PPL: variants seen among roughly 807,000 people sequenced by gnomAD.
The protein encoded by PPL is 190 kDa paraneoplastic pemphigus antigen.
In PPL, 198 loss-of-function variants were observed where a neutral mutation model predicts 194.4. The ratio of observed to expected loss-of-function variants is 1.02; its 90% CI spans 0.91 to 1.15. The LOEUF (loss-of-function observed/expected upper bound fraction) is 1.15. Ranked by LOEUF, PPL falls within the 50% of genes most tolerant of loss-of-function variation. The probability of loss-of-function intolerance (pLI) is 0.00; values close to 1 mark genes in which losing one functional copy is unlikely to be tolerated. For missense variants in PPL, 2,885 were observed against 2,294.8 expected (o/e 1.26, Z -5.25); for synonymous variants, 1,220 against 972.4 (o/e 1.25, Z -4.74).
chr16:4,925,388 A>G (rs987288279), intron 1 of PPL, among the ~76,000 whole-genome samples: 1 of 152,180 alleles, frequency 6.6e-6, no homozygotes, highest in East Asian at 1.9e-4. Flanking sequence ...ATGAATAGTA[A>G]CAACACTGAG....
chr16:4,922,264 G>A (rs934996921), intron 1 of PPL, among the ~76,000 whole-genome samples: 3 of 152,208 alleles, frequency 2.0e-5, no homozygotes, highest in Admixed American at 6.5e-5. Flanking sequence ...TGTGGTGGGG[G>A]TGACTGAGAG....
In PPL at chr16:4,899,291, T is replaced by TG. The variant is rs758679146; in HGVS notation, c.699dup (p.Lys234GlnfsTer10). On this transcript the variant is annotated frameshift_variant, in exon 7 of 22. Transcript: ENST00000345988. LOFTEE classifies it high-confidence loss of function. ...CTCCAGTCGTACTGCATGCGGCCCT[T>TG]GGCCTGCTGGTCCAGCCAGTACAGC... The TG allele has an allele frequency of 1.2e-6, 2 of 1,613,738 alleles. No homozygotes were observed. Among genetic ancestry groups the TG allele is most frequent in the Non-Finnish European group, 1.7e-6 (2 of 1,179,984 alleles).
chr16:4,893,129 A>G, intron 14 of PPL, 84 bp downstream of exon 14: 1 of 1,406,022 alleles, frequency 7.1e-7, no homozygotes, highest in South Asian at 1.5e-5. Context: ...CCAAGACTCC[A>G]TGGGGAAAAG....
In PPL at chr16:4,900,434, CTTTTTTTTTTT is replaced by C. The variant is rs1217002366; in HGVS notation, c.606+385_606+395del. Among the ~76,000 whole-genome samples, 3 of 61,678 alleles carry C rather than the reference CTTTTTTTTTTT, an allele frequency of 4.9e-5. No homozygotes were observed. The Admixed American group carries it at 8.5e-4, about 17-fold the overall frequency. The allele number at this position is 61,678 out of a possible 152,430, so 40.5% of individuals were successfully genotyped here. On this transcript the variant is annotated intron_variant, in intron 6 of 21. Transcript: ENST00000345988. ...CCTGATTGAAACGTTTACTGCACGC[CTTTTTTTTTTT>C]TTTTTTTTTTTAAAGGCAGGGTTTT...
intron 9 of PPL, 74 bp from the exon 10 acceptor site, chr16:4,895,790 C>A (rs2088416293): frequency 6.2e-7 from 1 of 1,601,784 alleles, no homozygotes; most frequent in Non-Finnish European, 8.5e-7. Flanking sequence ...AGGCTTCAAG[C>A]TCATCCCTCA....
Position 4,892,143 on chromosome 16 carries a change from A to G in PPL, c.1721T>C (p.Ile574Thr). The G allele has an allele frequency of 1.9e-6, 3 of 1,613,786 alleles. No individual in the cohort carries two copies. Among genetic ancestry groups the G allele is most frequent in the South Asian group, 1.1e-5 (1 of 91,080 alleles). ...GGTGCCACTGCCTGGGAGGGCCTGG[A>G]TGAAGGCTTCGCCCTCAGCCGTGCT... ...TRSTAEGEAFIQALPGSGTTP... is the reference protein window; with the variant it reads ...TRSTAEGEAFTQALPGSGTTP... Residue 574 changes from isoleucine to threonine, a missense_variant, in exon 15 of 22, where the codon ATC becomes ACC. Ile to Thr is a moderately conservative substitution (Grantham distance 89). Transcript: ENST00000345988.
At chr16:4,897,627 G>A in intron 9 of PPL, 48 bp downstream of exon 9, 2 of 1,493,116 alleles carry the variant, frequency 1.3e-6, no homozygotes, top group Non-Finnish European at 1.9e-6. Flanking sequence ...AGCGCTCTCA[G>A]AGAGTAGCAC....
chr16:4,901,252 T>G (rs1341871687), intron 4 of PPL, among the ~76,000 whole-genome samples, 163 bp from the exon 5 acceptor site: 1 of 152,242 alleles, frequency 6.6e-6, no homozygotes, highest in Non-Finnish European at 1.5e-5. Context: ...CCTGAGGTTC[T>G]GTTTGCTGAG....
At position 4,884,542 on chromosome 16, in the gene PPL, A is replaced by G. The variant is rs1421777185; in HGVS notation, c.4113T>C (p.Phe1371=). 6.2e-7 allele frequency: 1 copy of G among 1,613,196 alleles called. No individual in the cohort carries two copies. Among genetic ancestry groups the G allele is most frequent in the Non-Finnish European group, 8.5e-7 (1 of 1,179,828 alleles). The change falls in exon 22 of 22, where the codon TTT becomes TTC. Residue 1371 remains phenylalanine, a synonymous_variant. Transcript: ENST00000345988. This position sits in a 1 kb window ranked among gnomAD's most constrained non-coding sequence, Gnocchi z 5.7. The stretch of plus-strand genomic sequence containing the variant: ...GCAGCTCCACATCGATGCTCTCGGC[A>G]AAGGCGCTCGCCTCGGCCCGCAGGC... ...EPGLRAEASA[F]AESIDVELRQ... is the part of the protein sequence containing the mutation.
intron 1 of PPL, among the ~76,000 whole-genome samples, chr16:4,932,275 T>C (rs1351657348): frequency 2.0e-5 from 3 of 152,146 alleles, no homozygotes; most frequent in Non-Finnish European, 4.4e-5. Flanking sequence ...GCGGGGCGGC[T>C]CTCTCTAAGC....
chr16:4,930,284 C>T (rs998946167), intron 1 of PPL, among the ~76,000 whole-genome samples: 7 of 152,170 alleles, frequency 4.6e-5, no homozygotes, highest in African/African-American at 1.4e-4. Flanking sequence ...ACTATCACTC[C>T]GCATTGCTGC....
chr16:4,928,511 G>T (rs537752077), intron 1 of PPL, among the ~76,000 whole-genome samples: 4 of 152,242 alleles, frequency 2.6e-5, no homozygotes, highest in Admixed American at 2.6e-4. Context: ...CTGCAAGGCC[G>T]CAGGGCTGTG....
intron 1 of PPL, among the ~76,000 whole-genome samples, chr16:4,925,129 C>T (rs1219526764): frequency 6.6e-6 from 1 of 152,180 alleles, no homozygotes. Context: ...CTGGAACGCA[C>T]AGGAGGGTAC....
In PPL at chr16:4,884,920, C is replaced by T; in HGVS notation, c.3735G>A (p.Glu1245=). ...CCTCCCTGAGCCGCTGAAGCTCCTT[C>T]TCCATCTCAGGGTCAGTCTTGTACT... ...VIKYKTDPEM[E]KELQRLREEI... is the part of the protein sequence containing the mutation. The change falls in exon 22 of 22, where the codon GAG becomes GAA. Residue 1245 remains glutamate (E), a synonymous_variant. Coordinates refer to ENST00000345988, the MANE Select transcript of PPL (RefSeq NM_002705.5). This position sits in a 1 kb window ranked among gnomAD's most constrained non-coding sequence, Gnocchi z 5.7. 4.3e-6 allele frequency: 7 copies of T among 1,614,076 alleles called. No homozygotes were observed. The highest frequency in any genetic ancestry group is 2.2e-5 in the East Asian group (1 of 44,882).
intron 4 of PPL, among the ~76,000 whole-genome samples, chr16:4,901,937 C>G (rs892548842): frequency 9.3e-6 from 1 of 107,214 alleles, no homozygotes; most frequent in African/African-American, 3.5e-5. Flanking sequence ...GAGACCTTGT[C>G]TCAAAAATAA....
rs2088263411 is a variant in PPL at position 4,888,967 on chromosome 16, T to G, written c.2397+11A>C. 1 of 1,612,592 alleles carries G rather than the reference T, an allele frequency of 6.2e-7. No individual in the cohort carries two copies. Among genetic ancestry groups the G allele is most frequent in the Non-Finnish European group, 8.5e-7 (1 of 1,179,642 alleles). Reference sequence around the variant, plus strand: ...GCTGTTTGTGCTTTGGGCGGAAGTTTCCCGGCTCACCTTTACAGCTTGCTG... The same window carrying G: ...GCTGTTTGTGCTTTGGGCGGAAGTTGCCCGGCTCACCTTTACAGCTTGCTG... On this transcript the variant is annotated intron_variant, in intron 19 of 21. Coordinates refer to ENST00000345988, the MANE Select transcript of PPL (RefSeq NM_002705.5).
Position 4,891,879 on chromosome 16 carries a change from G to T in PPL, c.1900C>A (p.His634Asn), listed in dbSNP as rs1315608908. 2 of 1,613,584 alleles carry T rather than the reference G, an allele frequency of 1.2e-6. No homozygotes were observed. Among genetic ancestry groups the T allele is most frequent in the Non-Finnish European group, 1.7e-6 (2 of 1,180,020 alleles). The change falls in exon 16 of 22, where the codon CAT becomes AAT. Residue 634 changes from histidine to asparagine, a missense_variant. Coordinates refer to ENST00000345988, the MANE Select transcript of PPL (RefSeq NM_002705.5). ...SWELLATHEN[H>N]LNQDDTVPES... The stretch of plus-strand genomic sequence containing the variant: ...GGCACTGTGTCATCCTGATTCAGAT[G>T]GTTCTCGTGTGTGGCCAGCAACTCC...
chr16:4,885,123 C>T lies in PPL; in HGVS notation c.3532G>A (p.Val1178Met), dbSNP rs146151554. 7.4e-6 allele frequency: 12 copies of T among 1,613,862 alleles called. No homozygotes were observed. The highest frequency in any genetic ancestry group is 3.3e-5 in the South Asian group (3 of 91,090). Residue 1178 changes from valine to methionine, a missense_variant, in exon 22 of 22, where the codon GTG (valine) becomes ATG (methionine). Transcript: ENST00000345988. The surrounding 1 kb of genome is among the most constrained non-coding windows in gnomAD (Gnocchi z 6.3). ...CTTTCCGCCTTGGGGTCTGGCCGCA[C>T]GATCTCCCGCACCTTCTCCTGCACC... Reference protein sequence around the residue: ...VVVQEKVREIVRPDPKAESEV... With the variant: ...VVVQEKVREIMRPDPKAESEV...
chr16:4,892,057 G>T lies in PPL; in HGVS notation c.1807C>A (p.Leu603Met). The T allele has an allele frequency of 6.2e-7, 1 of 1,613,704 alleles. No individual in the cohort carries two copies. The highest frequency in any genetic ancestry group is 8.5e-7 in the Non-Finnish European group (1 of 1,179,936). The change falls in exon 15 of 22, where the codon CTG becomes ATG. Residue 603 changes from leucine (L) to methionine (M), a missense_variant. Physicochemically the swap from Leu to Met is conservative, Grantham distance 15. Transcript: ENST00000345988. Reference sequence around the variant, plus strand: ...CACTTCTCCTGGGCCAAGTCCAGCAGCTGCAGGAGGTGCTCGTATTTCCGG... The same window carrying T: ...CACTTCTCCTGGGCCAAGTCCAGCATCTGCAGGAGGTGCTCGTATTTCCGG... ...TNRKYEHLLQ[L>M]LDLAQEKVDV...
Sources: gnomAD v4.1 joint callset for allele counts (sites outside exome capture counted in the v4.1 genomes callset) on GRCh38, gnomAD v4.1.1 for gene constraint, Gnocchi (gnomAD v3.1) non-coding constraint, MANE v1.5 for transcripts, NCBI Gene and HGNC (gene_info 2026-07-23, HGNC 2026-07-21) for gene names.